The following SMIM20 variants were observed in gnomAD, a reference collection of about 807,000 sequenced individuals.
The protein encoded by SMIM20 is mitochondrial translation regulation assembly intermediate of cytochrome c oxidase protein of 7 kDa.
A neutral mutation model predicts 8.7 loss-of-function variants in SMIM20; 3 were observed. That is an observed-to-expected ratio of 0.34 (90% CI 0.16 to 0.89). The LOEUF is 0.89. SMIM20 is among the 40% of genes least tolerant of loss of function. SMIM20 has a pLI of 0.49. For missense variants in SMIM20, 85 were observed against 84.8 expected, an observed-to-expected ratio of 1.00 and a Z score of -0.01; for synonymous variants, 44 against 33.6, an observed-to-expected ratio of 1.31 and a Z score of -1.07.
In SMIM20 at chr4:25,914,320, C is replaced by G; in HGVS notation, c.7C>G (p.Arg3Gly). The part of the protein sequence containing the change: MS[R>G]NLRTALIFGG... ...CAGCCCGGGGCCTGACGCCATGTCC[C>G]GGAACCTGCGCACCGCGCTCATTTT... Residue 3 changes from arginine to glycine, a missense_variant, in exon 1 of 3, where the codon CGG (arginine) becomes GGG (glycine). Physicochemically the swap from Arg to Gly is moderately radical, Grantham distance 125. Coordinates refer to ENST00000506197, the MANE Select transcript of SMIM20 (RefSeq NM_001145432.3). 1.3e-6 allele frequency: 2 copies of G among 1,550,330 alleles called. No homozygotes were observed. Among genetic ancestry groups the G allele is most frequent in the Non-Finnish European group, 1.7e-6 (2 of 1,146,078 alleles).
Position 25,914,265 on chromosome 4 carries a change from C to T in SMIM20, c.-49C>T. The T allele has an allele frequency of 2.0e-6, 3 of 1,524,386 alleles. No individual in the cohort carries two copies. The highest frequency in any genetic ancestry group is 1.8e-6 in the Non-Finnish European group (2 of 1,130,282). 94.4% of individuals were successfully genotyped at this position (1,524,386 alleles called of 1,614,324 possible). ...GCCCGGCCGTCGGTAACCTGGTTTC[C>T]GAGAGTGCCGGGCGGTCGGCGGGTC... On this transcript the variant is annotated 5_prime_UTR_variant, in exon 1 of 3. Coordinates refer to ENST00000506197, the MANE Select transcript of SMIM20 (RefSeq NM_001145432.3).
chr4:25,914,461 C>G, intron 1 of SMIM20, 39 bp downstream of exon 1: 2 of 1,424,006 alleles, frequency 1.4e-6, no homozygotes, highest in Non-Finnish European at 1.9e-6. Flanking sequence ...CCTGACTCCC[C>G]AACACACACA....
At chr4:25,916,989 A>G (rs1026105698) in intron 1 of SMIM20, among the ~76,000 whole-genome samples, 5 of 152,158 alleles carry the variant, frequency 3.3e-5, no homozygotes, top group African/African-American at 9.7e-5. Flanking sequence ...CACTTCCTAT[A>G]TATTAACCCA....
At chr4:25,923,131 C>T (rs949270773) in intron 1 of SMIM20, among the ~76,000 whole-genome samples, 2 of 152,138 alleles carry the variant, frequency 1.3e-5, no homozygotes, top group African/African-American at 4.8e-5. Flanking sequence ...GGGTCAGTGA[C>T]CCAAAACCAG....
chr4:25,925,533 G>A (rs1003510496), intron 1 of SMIM20, among the ~76,000 whole-genome samples: 1 of 152,158 alleles, frequency 6.6e-6, no homozygotes, highest in African/African-American at 2.4e-5. Context: ...CACTGCGCCC[G>A]GCAGAGTTGC....
Position 25,914,701 on chromosome 4 carries a change from A to G in SMIM20, c.109+279A>G, listed in dbSNP as rs185364709. ...TCATGTATATGAAAGCAGTCCTCAC[A>G]TAAGTCGACGCTAAGTACCAGTTCA... is the stretch of plus-strand genomic sequence containing the variant. On this transcript the variant is annotated intron_variant, in intron 1 of 2. Coordinates refer to ENST00000506197, the MANE Select transcript of SMIM20 (RefSeq NM_001145432.3). 4.6e-5 allele frequency among the ~76,000 whole-genome samples: 7 copies of G among 152,370 alleles called. No homozygotes were observed. The East Asian group carries it at 7.7e-4, about 17-fold the overall frequency.
At position 25,917,943 on chromosome 4, in the gene SMIM20, T is replaced by G. The variant is rs535957576; in HGVS notation, c.109+3521T>G. 6.1e-4 allele frequency among the ~76,000 whole-genome samples: 88 copies of G among 144,786 alleles called. 1 individual carries two copies. The highest frequency in any genetic ancestry group is 2.1e-3 in the African/African-American group (82 of 39,084). The allele number at this position is 144,786 out of a possible 152,430, so 95.0% of individuals were successfully genotyped here. A position where few individuals can be genotyped will look rare whatever the true frequency, so the allele number is the denominator to read the frequency against. On this transcript the variant is annotated intron_variant, in intron 1 of 2. Coordinates refer to ENST00000506197, the MANE Select transcript of SMIM20 (RefSeq NM_001145432.3). ...GCCTGGTACAGGTCAGTTTTTTTTT[T>G]TTGTTTTTTTTTTTTTTGAGACAGA...
In SMIM20 at chr4:25,914,430, ATC is replaced by A; in HGVS notation, c.109+12_109+13del. 6.7e-7 allele frequency: 1 copy of A among 1,483,840 alleles called. No homozygotes were observed. Among genetic ancestry groups the A allele is most frequent in the Non-Finnish European group, 9.0e-7 (1 of 1,107,488 alleles). 91.9% of individuals were successfully genotyped at this position (1,483,840 alleles called of 1,614,324 possible). On this transcript the variant is annotated intron_variant, in intron 1 of 2. Transcript: ENST00000506197. ...TGAGATTGGAGGAGTACAGTGAGTG[ATC>A]TCTAACCCCTTGCGGTGACCTGACT... is the stretch of plus-strand genomic sequence containing the variant.
chr4:25,918,702 G>A (rs1372751763), intron 1 of SMIM20, among the ~76,000 whole-genome samples: 2 of 151,346 alleles, frequency 1.3e-5, no homozygotes, highest in Admixed American at 6.6e-5. Flanking sequence ...TACTAGAGAC[G>A]GGGTTTCACC....
chr4:25,923,787 A>G (rs976804073), intron 1 of SMIM20, among the ~76,000 whole-genome samples: 1 of 152,252 alleles, frequency 6.6e-6, no homozygotes, highest in Non-Finnish European at 1.5e-5. Context: ...GTGACATGCC[A>G]GGTGCTTAGA....
chr4:25,927,158 G>T (rs544221530), intron 1 of SMIM20, among the ~76,000 whole-genome samples: 3 of 152,220 alleles, frequency 2.0e-5, no homozygotes, highest in African/African-American at 7.2e-5. Context: ...CCATCAGGCC[G>T]CTTGTTGCCT....
intron 1 of SMIM20, among the ~76,000 whole-genome samples, chr4:25,922,714 A>G (rs1351742726): frequency 3.3e-5 from 5 of 152,050 alleles, no homozygotes; most frequent in African/African-American, 7.2e-5. Flanking sequence ...GCAGAAGCCT[A>G]CTCCCTGAGA....
chr4:25,918,850 C>T (rs116238989), intron 1 of SMIM20, among the ~76,000 whole-genome samples: 1 of 142,862 alleles, frequency 7.0e-6, no homozygotes, highest in Non-Finnish European at 1.5e-5. Context: ...TTATCTGTTT[C>T]TCTCCTTATA....
intron 1 of SMIM20, among the ~76,000 whole-genome samples, chr4:25,926,555 G>A (rs1711518855): frequency 6.6e-6 from 1 of 152,262 alleles, no homozygotes; most frequent in Non-Finnish European, 1.5e-5. Context: ...GCAAGAAAGT[G>A]TGAAGACAGG....
intron 1 of SMIM20, among the ~76,000 whole-genome samples, chr4:25,924,601 CTA>C (rs1269027545): frequency 1.3e-5 from 2 of 152,172 alleles, no homozygotes; most frequent in African/African-American, 4.8e-5. Flanking sequence ...CTTTCTCCCC[CTA>C]TATATAACAT....
intron 1 of SMIM20, among the ~76,000 whole-genome samples, chr4:25,925,810 T>G (rs892040539): frequency 6.6e-6 from 1 of 152,236 alleles, no homozygotes; most frequent in Non-Finnish European, 1.5e-5. Context: ...TTTTTGTTTT[T>G]AAAGACTTCA....
In SMIM20 at chr4:25,914,374, G is replaced by A. The variant is rs1358401639; in HGVS notation, c.61G>A (p.Ala21Thr). 3 of 1,547,062 alleles carry A rather than the reference G, an allele frequency of 1.9e-6. No individual in the cohort carries two copies. Among genetic ancestry groups the A allele is most frequent in the Admixed American group, 2.0e-5 (1 of 50,480 alleles). Residue 21 changes from alanine to threonine, a missense_variant, in exon 1 of 3, where the codon GCC (alanine) becomes ACC (threonine). By Grantham distance (58) the Ala-to-Thr change is moderately conservative (BLOSUM62 0). Coordinates refer to ENST00000506197, the MANE Select transcript of SMIM20 (RefSeq NM_001145432.3). ...CGGCTTCATCTCCCTGATCGGCGCCGCCTTCTATCCCATCTACTTCCGGCC... is the reference window on the plus strand; with the variant it reads ...CGGCTTCATCTCCCTGATCGGCGCCACCTTCTATCCCATCTACTTCCGGCC... Reference protein sequence around the residue: ...FGGFISLIGAAFYPIYFRPLM... With the variant: ...FGGFISLIGATFYPIYFRPLM...
chr4:25,927,121 G>A (rs1388339065), intron 1 of SMIM20, among the ~76,000 whole-genome samples: 2 of 152,178 alleles, frequency 1.3e-5, no homozygotes, highest in Non-Finnish European at 1.5e-5. Context: ...CCATTCATCC[G>A]CTACTTTTCA....
In SMIM20 at chr4:25,914,324, A is replaced by G. The variant is rs1016826101; in HGVS notation, c.11A>G (p.Asn4Ser). 6.5e-6 allele frequency: 10 copies of G among 1,550,322 alleles called. No individual in the cohort carries two copies. The African/African-American group carries it at 1.4e-4, about 21-fold the overall frequency. Reference protein sequence around the residue: MSRNLRTALIFGGF... With the variant: MSRSLRTALIFGGF... ...CCGGGGCCTGACGCCATGTCCCGGAACCTGCGCACCGCGCTCATTTTCGGC... is the reference window on the plus strand; with the variant it reads ...CCGGGGCCTGACGCCATGTCCCGGAGCCTGCGCACCGCGCTCATTTTCGGC... The change falls in exon 1 of 3, where the codon AAC becomes AGC. Residue 4 changes from asparagine to serine, a missense_variant. Transcript: ENST00000506197.
Sources: allele counts gnomAD v4.1 joint callset (sites outside exome capture counted in the v4.1 genomes callset), GRCh38; gene constraint gnomAD v4.1.1; transcripts MANE v1.5; gene names NCBI Gene and HGNC (gene_info 2026-07-23, HGNC 2026-07-21).